ADAMTSL1: variants seen among roughly 807,000 people sequenced by gnomAD.
ADAMTSL1 encodes the protein ADAMTS-like protein 1.
A neutral mutation model predicts 201.8 loss-of-function variants in ADAMTSL1; 126 were observed. The ratio of observed to expected loss-of-function variants is 0.62; its 90% CI spans 0.54 to 0.72. The LOEUF (loss-of-function observed/expected upper bound fraction) is 0.72, where lower values mean the gene tolerates loss of function less well. Ranked by LOEUF, ADAMTSL1 falls within the 30% of genes least tolerant of loss-of-function variation. The pLI is 0.00. For missense variants in ADAMTSL1, 2,679 were observed against 2,277.8 expected, an observed-to-expected ratio of 1.18 and a Z score of -3.59; for synonymous variants, 1,121 against 903.4, an observed-to-expected ratio of 1.24 and a Z score of -4.32.
intron 16 of ADAMTSL1, among the ~76,000 whole-genome samples, chr9:18,760,312 TACAA>T (rs1291569465): frequency 6.6e-6 from 1 of 152,156 alleles, no homozygotes; most frequent in East Asian, 1.9e-4. Context: ...ATCAAACCCT[TACAA>T]ACAGTCTTTT....
intron 14 of ADAMTSL1, among the ~76,000 whole-genome samples, chr9:18,708,703 C>G (rs1254259873): frequency 1.3e-5 from 2 of 152,156 alleles, no homozygotes; most frequent in Non-Finnish European, 2.9e-5. Flanking sequence ...ATTGAATGAT[C>G]ATTATTTCTA....
chr9:18,824,690 C>CTTTTTTTTTTT (rs34551511), intron 21 of ADAMTSL1, among the ~76,000 whole-genome samples: 9 of 75,706 alleles, frequency 1.2e-4, no homozygotes, highest in South Asian at 7.0e-4. Flanking sequence ...GGACTTGACC[C>CTTTTTTTTTTT]TTTTTTTTTT....
At chr9:17,978,564 C>G (rs1032788085) in intron 1 of ADAMTSL1, among the ~76,000 whole-genome samples, 1 of 151,580 alleles carries the variant, frequency 6.6e-6, no homozygotes, top group African/African-American at 2.4e-5. Flanking sequence ...TATGAAAACA[C>G]TATACTTTTT....
At chr9:18,503,075 T>C in intron 1 of ADAMTSL1, among the ~76,000 whole-genome samples, 1 of 152,188 alleles carries the variant, frequency 6.6e-6, no homozygotes, top group South Asian at 2.1e-4. Flanking sequence ...TATTTTTAAG[T>C]ATATATATTT....
chr9:18,383,230 T>A (rs1399462463), intron 2 of ADAMTSL1, among the ~76,000 whole-genome samples: 1 of 152,192 alleles, frequency 6.6e-6, no homozygotes, highest in Non-Finnish European at 1.5e-5. Flanking sequence ...AAGTCTTCTA[T>A]ACTTTCTTGT....
intron 4 of ADAMTSL1, among the ~76,000 whole-genome samples, chr9:18,596,759 C>T (rs1824289134): frequency 6.6e-6 from 1 of 152,136 alleles, no homozygotes; most frequent in South Asian, 2.1e-4. Context: ...TAATGCTAGA[C>T]ATTATGCTAA....
At chr9:18,884,298 C>G (rs776664187) in intron 23 of ADAMTSL1, among the ~76,000 whole-genome samples, 1 of 152,068 alleles carries the variant, frequency 6.6e-6, no homozygotes, top group Admixed American at 6.6e-5. Flanking sequence ...TTTAAGAGTT[C>G]TTTTTATATT....
chr9:18,139,619 G>C (rs1826310038), intron 1 of ADAMTSL1, among the ~76,000 whole-genome samples: 1 of 152,100 alleles, frequency 6.6e-6, no homozygotes, highest in Non-Finnish European at 1.5e-5. Flanking sequence ...TGAATTAATA[G>C]CTACTGAATA....
intron 2 of ADAMTSL1, among the ~76,000 whole-genome samples, chr9:18,176,845 G>A (rs191376232): frequency 1.1e-4 from 16 of 152,282 alleles, no homozygotes; most frequent in African/African-American, 3.8e-4. Context: ...TTAGAATACA[G>A]TATCATTAAT....
At chr9:18,303,559 G>A (rs747794272) in intron 2 of ADAMTSL1, among the ~76,000 whole-genome samples, 1 of 152,154 alleles carries the variant, frequency 6.6e-6, no homozygotes, top group African/African-American at 2.4e-5. Context: ...CTGTGAGTGG[G>A]TTTCATGTTT....
chr9:18,423,723 G>A (rs1185321643), intron 2 of ADAMTSL1, among the ~76,000 whole-genome samples: 1 of 152,180 alleles, frequency 6.6e-6, no homozygotes, highest in Non-Finnish European at 1.5e-5. Context: ...CCTGAGCTGC[G>A]TTAGAAAAGA....
chr9:18,534,289 G>A lies in ADAMTSL1; in HGVS notation c.237+997G>A, dbSNP rs186033618. ...TTCATTAGTAGTCACAGCTACTCAC[G>A]AGGCTGAGGCAGGAGGATCCCTTTA... On this transcript the variant is annotated intron_variant, in intron 3 of 28. Coordinates refer to ENST00000380548, the MANE Select transcript of ADAMTSL1 (RefSeq NM_001040272.6). Among the ~76,000 whole-genome samples, 776 of 152,214 alleles carry A rather than the reference G, an allele frequency of 5.1e-3. 4 individuals carry two copies. Among genetic ancestry groups the A allele is most frequent in the African/African-American group, 0.018 (740 of 41,548 alleles).
At chr9:18,738,919 G>A (rs1336833030) in intron 15 of ADAMTSL1, among the ~76,000 whole-genome samples, 1 of 152,136 alleles carries the variant, frequency 6.6e-6, no homozygotes, top group East Asian at 1.9e-4. Flanking sequence ...GCTACCGCAT[G>A]GTATTTTGTT....
At chr9:18,151,737 A>C (rs1010953343) in intron 1 of ADAMTSL1, among the ~76,000 whole-genome samples, 2 of 150,522 alleles carry the variant, frequency 1.3e-5, no homozygotes, top group African/African-American at 4.8e-5. Context: ...CACATGGCCC[A>C]AAACACATGT....
At chr9:18,644,642 G>GT (rs1208756829) in intron 7 of ADAMTSL1, among the ~76,000 whole-genome samples, 3 of 151,582 alleles carry the variant, frequency 2.0e-5, no homozygotes, top group Admixed American at 2.0e-4. Flanking sequence ...GCAGTGTTTG[G>GT]TTTTTTGTCC....
At chr9:18,191,576 C>T (rs571034724) in intron 2 of ADAMTSL1, among the ~76,000 whole-genome samples, 2 of 152,280 alleles carry the variant, frequency 1.3e-5, no homozygotes, top group East Asian at 3.9e-4. Context: ...GATCCCTGAA[C>T]CCAAGAAGGT....
intron 2 of ADAMTSL1, among the ~76,000 whole-genome samples, chr9:18,439,435 T>A (rs1318833234): frequency 3.9e-5 from 6 of 152,172 alleles, no homozygotes; most frequent in Non-Finnish European, 7.4e-5. Flanking sequence ...GGCGCAATCT[T>A]ATCTCACTGC....
chr9:18,618,658 T>C (rs1172903728), intron 4 of ADAMTSL1, among the ~76,000 whole-genome samples: 1 of 151,940 alleles, frequency 6.6e-6, no homozygotes, highest in African/African-American at 2.4e-5. Flanking sequence ...GCTCTGCCAT[T>C]CTGAGTACAA....
intron 2 of ADAMTSL1, among the ~76,000 whole-genome samples, chr9:18,511,878 T>C (rs1259555161): frequency 6.6e-6 from 1 of 152,192 alleles, no homozygotes; most frequent in African/African-American, 2.4e-5. Flanking sequence ...CTCATCTCTA[T>C]CATAACATCC....
Sources: gnomAD v4.1 joint callset for allele counts (sites outside exome capture counted in the v4.1 genomes callset) on GRCh38, gnomAD v4.1.1 for gene constraint, MANE v1.5 for transcripts, NCBI Gene and HGNC (gene_info 2026-07-23, HGNC 2026-07-21) for gene names.